RAP1GAP2: variants seen among roughly 807,000 people sequenced by gnomAD.
RAP1GAP2 encodes the protein rap1 GTPase-activating protein 2.
A neutral mutation model predicts 95.0 loss-of-function variants in RAP1GAP2; 27 were observed. The ratio of observed to expected loss-of-function variants is 0.28; its 90% CI spans 0.21 to 0.39. The LOEUF (loss-of-function observed/expected upper bound fraction) is 0.39. RAP1GAP2 is among the 10% of genes least tolerant of loss of function. The pLI, the probability that RAP1GAP2 is intolerant of heterozygous loss-of-function variation, is 1.00. For missense variants in RAP1GAP2, 771 were observed against 970.0 expected, an observed-to-expected ratio of 0.79 and a Z score of 2.72; for synonymous variants, 373 against 380.9, an observed-to-expected ratio of 0.98 and a Z score of 0.24.
intron 14 of RAP1GAP2, among the ~76,000 whole-genome samples, chr17:3,000,311 G>C (rs1184269013): frequency 1.3e-5 from 2 of 152,254 alleles, no homozygotes; most frequent in Admixed American, 1.3e-4. Flanking sequence ...TCAAACAGCT[G>C]CTCGATTCAA....
chr17:2,996,950 C>T (rs935460603), intron 13 of RAP1GAP2, among the ~76,000 whole-genome samples: 1 of 152,128 alleles, frequency 6.6e-6, no homozygotes, highest in African/African-American at 2.4e-5. Flanking sequence ...AGACAGGCAC[C>T]TAGCCAGGAC....
chr17:2,979,000 AAAAAAT>A (rs1376845207), intron 8 of RAP1GAP2, among the ~76,000 whole-genome samples: 1 of 145,736 alleles, frequency 6.9e-6, no homozygotes, highest in Non-Finnish European at 1.5e-5. Context: ...AAATAAATAA[AAAAAAT>A]AAAAAAATTC....
Position 3,026,370 on chromosome 17 carries a change from A to G in RAP1GAP2, c.1886A>G (p.Glu629Gly), listed in dbSNP as rs773401819. The G allele has an allele frequency of 6.4e-7, 1 of 1,551,846 alleles. No individual in the cohort carries two copies. The highest frequency in any genetic ancestry group is 1.2e-5 in the South Asian group (1 of 84,080). The change falls in exon 21 of 25, where the codon GAA (glutamate) becomes GGA (glycine). Residue 629 changes from glutamate (E) to glycine (G), a missense_variant. Coordinates refer to ENST00000254695, the MANE Select transcript of RAP1GAP2 (RefSeq NM_015085.5). ...NKEKPFMKLK[E>G]NGRAISRSSS... ...TGCAGGCCCTTCATGAAGTTGAAGG[A>G]AAACGGCCGTGCCATCTCCCGCTCC...
At chr17:2,927,378 C>G (rs566348757) in intron 3 of RAP1GAP2, among the ~76,000 whole-genome samples, 1 of 152,134 alleles carries the variant, frequency 6.6e-6, no homozygotes, top group Non-Finnish European at 1.5e-5. Context: ...TGGTCTCGAT[C>G]TCCTGACCTC....
intron 3 of RAP1GAP2, among the ~76,000 whole-genome samples, chr17:2,943,759 G>A (rs147054749): frequency 8.3e-4 from 126 of 152,228 alleles, no homozygotes; most frequent in African/African-American, 3.0e-3. Flanking sequence ...CATACAAGTG[G>A]TCAACAGGTA....
In RAP1GAP2 at chr17:3,020,605, G is replaced by C; in HGVS notation, c.1751+10G>C. The stretch of plus-strand genomic sequence containing the variant: ...ACAGCCGGGCACGATGGTAACTGTT[G>C]GGAAACCCCTACCCCAGCCTGACTT... On this transcript the variant is annotated intron_variant, in intron 19 of 24. Coordinates refer to ENST00000254695, the MANE Select transcript of RAP1GAP2 (RefSeq NM_015085.5). 6.8e-6 allele frequency: 11 copies of C among 1,611,342 alleles called. No individual in the cohort carries two copies. The highest frequency in any genetic ancestry group is 1.7e-5 in the Admixed American group (1 of 59,714).
intron 1 of RAP1GAP2, among the ~76,000 whole-genome samples, chr17:2,757,116 C>T (rs1292472981): frequency 1.3e-5 from 2 of 151,894 alleles, no homozygotes; most frequent in East Asian, 3.9e-4. Context: ...AATTAATCTC[C>T]TTTATTTAAT....
chr17:2,884,625 C>T (rs1169144384), intron 2 of RAP1GAP2, among the ~76,000 whole-genome samples: 11 of 152,044 alleles, frequency 7.2e-5, no homozygotes, highest in South Asian at 2.1e-4. Context: ...CCGCCTGCCT[C>T]GGCCTCCCAA....
chr17:2,928,375 C>T (rs1009269008), intron 3 of RAP1GAP2, among the ~76,000 whole-genome samples: 2 of 152,180 alleles, frequency 1.3e-5, no homozygotes, highest in African/African-American at 4.8e-5. Flanking sequence ...CCACTGCTTC[C>T]ATTCCCAGGA....
chr17:2,853,850 C>A, intron 2 of RAP1GAP2: 1 of 909,294 alleles, frequency 1.1e-6, no homozygotes, highest in Non-Finnish European at 1.3e-6. Flanking sequence ...TCACCTGACC[C>A]CCGGGGCGCA....
At chr17:3,002,307 A>T (rs1342133196) in intron 14 of RAP1GAP2, among the ~76,000 whole-genome samples, 1 of 152,082 alleles carries the variant, frequency 6.6e-6, no homozygotes, top group Non-Finnish European at 1.5e-5. Context: ...TTGTCCTCAG[A>T]GGGGTGATGA....
intron 23 of RAP1GAP2, among the ~76,000 whole-genome samples, 165 bp downstream of exon 23, chr17:3,031,163 G>A (rs974314327): frequency 2.0e-5 from 3 of 152,252 alleles, no homozygotes; most frequent in African/African-American, 7.2e-5. Flanking sequence ...CCGTGTCTCC[G>A]GGTTCCAGCC....
chr17:2,948,592 G>A (rs2043795323), intron 3 of RAP1GAP2, among the ~76,000 whole-genome samples: 1 of 149,388 alleles, frequency 6.7e-6, no homozygotes, highest in African/African-American at 2.5e-5. Context: ...CAACAAGAGG[G>A]AAGGAAGAGG....
intron 1 of RAP1GAP2, among the ~76,000 whole-genome samples, chr17:2,781,687 GGTCTCTGTGTGTGCAC>G (rs1309073315): frequency 7.3e-6 from 1 of 137,732 alleles, no homozygotes; most frequent in African/African-American, 2.9e-5. Flanking sequence ...TGTGTGTGCA[GGTCTCTGTGTGTGCAC>G]GTCTCTGTGT....
rs995559083 is a variant in RAP1GAP2 at position 2,855,681 on chromosome 17, C to T, written c.81-49603C>T. Among the ~76,000 whole-genome samples the T allele has an allele frequency of 3.9e-5, 6 of 152,158 alleles. No homozygotes were observed. The highest frequency in any genetic ancestry group is 7.2e-5 in the African/African-American group (3 of 41,448). On this transcript the variant is annotated intron_variant, in intron 2 of 24. Transcript: ENST00000254695. This position sits in a 1 kb window ranked among gnomAD's most constrained non-coding sequence, Gnocchi z 4.3. ...AAGCTGGAGTACAGTGGCGCCATCT[C>T]GGCCCACTGCAACCTCCACCTCCTG...
intron 19 of RAP1GAP2, among the ~76,000 whole-genome samples, chr17:3,023,892 G>A (rs1018594902): frequency 3.9e-5 from 6 of 151,978 alleles, no homozygotes; most frequent in Admixed American, 2.6e-4. Flanking sequence ...ACTTATGAGC[G>A]AGAACATGTG....
intron 4 of RAP1GAP2, among the ~76,000 whole-genome samples, chr17:2,960,552 C>CAG (rs1469827168): frequency 6.6e-6 from 1 of 152,272 alleles, no homozygotes; most frequent in Non-Finnish European, 1.5e-5. Context: ...CTGCTGTCCA[C>CAG]AGAGTGTGGG....
chr17:2,945,687 T>C (rs565384856), intron 3 of RAP1GAP2, among the ~76,000 whole-genome samples: 1 of 152,124 alleles, frequency 6.6e-6, no homozygotes, highest in Admixed American at 6.6e-5. Context: ...CATGAAAGGA[T>C]ATTAGCTTTT....
rs371487436 is a variant in RAP1GAP2, at chr17:2,873,887, C to CG, written c.81-31396dup. On this transcript the variant is annotated intron_variant, in intron 2 of 24. Transcript: ENST00000254695. Reference sequence around the variant, plus strand: ...AAGTGATTCTCCTGCCTCAGCCTCCCGAGTAGCTGGGATTACAGGCATGCG... The same window carrying CG: ...AAGTGATTCTCCTGCCTCAGCCTCCCGGAGTAGCTGGGATTACAGGCATGCG... Among the ~76,000 whole-genome samples, 1,011 of 152,000 alleles carry CG rather than the reference C, an allele frequency of 6.7e-3. 8 individuals carry two copies. Among genetic ancestry groups the CG allele is most frequent in the African/African-American group, 0.023 (961 of 41,444 alleles).
Sources: allele counts gnomAD v4.1 joint callset (sites outside exome capture counted in the v4.1 genomes callset), GRCh38; gene constraint gnomAD v4.1.1; non-coding constraint Gnocchi (gnomAD v3.1); transcripts MANE v1.5; gene names NCBI Gene and HGNC (gene_info 2026-07-23, HGNC 2026-07-21).